The following YWHAH variants were observed in gnomAD, a reference collection of about 807,000 sequenced individuals.
YWHAH encodes tyrosine 3-monooxygenase/tryptophan 5-monooxygenase activation protein eta.
A neutral mutation model predicts 22.9 loss-of-function variants in YWHAH; 6 were observed. The ratio of observed to expected loss-of-function variants is 0.26; its 90% confidence interval spans 0.14 to 0.52. The LOEUF (loss-of-function observed/expected upper bound fraction) is 0.52, where lower values mean the gene tolerates loss of function less well. Among genes scored for constraint, YWHAH ranks in the 20% least tolerant of loss-of-function variants. The probability of loss-of-function intolerance (pLI) is 0.97; values close to 1 mark genes in which losing one functional copy is unlikely to be tolerated. For missense variants in YWHAH, 173 were observed against 308.6 expected, an observed-to-expected ratio of 0.56 and a Z score of 3.29; for synonymous variants, 135 against 124.5, an observed-to-expected ratio of 1.08 and a Z score of -0.56.
In YWHAH at chr22:31,956,467, C is replaced by G. The variant is rs150273100; in HGVS notation, c.416C>G (p.Ser139Cys). The change falls in exon 2 of 2, where the codon TCT becomes TGT. Residue 139 changes from serine (S) to cysteine (C), a missense_variant. Ser to Cys is a moderately radical substitution (Grantham distance 112, BLOSUM62 -1). Coordinates refer to ENST00000248975, the MANE Select transcript of YWHAH (RefSeq NM_003405.4). This position sits in a 1 kb window ranked among gnomAD's most constrained non-coding sequence, Gnocchi z 5.1. Reference protein sequence around the residue: ...DYYRYLAEVASGEKKNSVVEA... With the variant: ...DYYRYLAEVACGEKKNSVVEA... Reference sequence around the variant, plus strand: ...TACCGCTACTTAGCAGAGGTCGCTTCTGGGGAGAAGAAAAACAGTGTGGTC... The same window carrying G: ...TACCGCTACTTAGCAGAGGTCGCTTGTGGGGAGAAGAAAAACAGTGTGGTC... 1 of 1,614,166 alleles carries G rather than the reference C, an allele frequency of 6.2e-7. No individual in the cohort carries two copies. Among genetic ancestry groups the G allele is most frequent in the Non-Finnish European group, 8.5e-7 (1 of 1,180,042 alleles).
In YWHAH at chr22:31,945,392, C is replaced by T. The variant is rs147493075; in HGVS notation, c.87+572C>T. 11,184 of 1,297,462 alleles carry T rather than the reference C, an allele frequency of 8.6e-3. 64 individuals carry two copies. Among genetic ancestry groups the T allele is most frequent in the Middle Eastern group, 0.011 (49 of 4,586 alleles). 80.4% of individuals were successfully genotyped at this position (1,297,462 alleles called of 1,614,324 possible). A position where few individuals can be genotyped will look rare whatever the true frequency, so the allele number is the denominator to read the frequency against. On this transcript the variant is annotated intron_variant, in intron 1 of 1. Transcript: ENST00000248975. ...GAAGACCCCTTTCCTGCAGTCTAGG[C>T]GTGGACGGGGGCGGGAGAGTGGGCG...
chr22:31,946,367 G>GA (rs1358033337), intron 1 of YWHAH, among the ~76,000 whole-genome samples: 1 of 152,168 alleles, frequency 6.6e-6, no homozygotes, highest in Non-Finnish European at 1.5e-5. Context: ...CCTTGGAAGG[G>GA]ACCCTGAACC....
At chr22:31,944,894 C>CT (rs2093831151) in intron 1 of YWHAH, 74 bp downstream of exon 1, 1 of 1,194,110 alleles carries the variant, frequency 8.4e-7, no homozygotes, top group Non-Finnish European at 1.0e-6. Context: ...TGGCCGCGGG[C>CT]GCGTTCCCCT....
At position 31,956,172 on chromosome 22, in the gene YWHAH, G is replaced by T. The variant is rs2093849349; in HGVS notation, c.121G>T (p.Asp41Tyr). 6.2e-7 allele frequency: 1 copy of T among 1,613,450 alleles called. No homozygotes were observed. Residue 41 changes from aspartate to tyrosine, a missense_variant, in exon 2 of 2, where the codon GAT becomes TAT. Physicochemically the swap from Asp to Tyr is radical, Grantham distance 160. Transcript: ENST00000248975. This position sits in a 1 kb window ranked among gnomAD's most constrained non-coding sequence, Gnocchi z 5.1. ...GCTGAATGAACCTCTCTCCAATGAA[G>T]ATCGAAATCTCCTCTCTGTGGCCTA... is the stretch of plus-strand genomic sequence containing the variant. ...TELNEPLSNE[D>Y]RNLLSVAYKN... is the part of the protein sequence containing the mutation.
intron 1 of YWHAH, among the ~76,000 whole-genome samples, chr22:31,955,164 TC>T (rs1408086852): frequency 6.6e-6 from 1 of 152,224 alleles, no homozygotes; most frequent in African/African-American, 2.4e-5. Context: ...GGGGGTACTT[TC>T]ATGTCACTTA....
chr22:31,948,143 G>C (rs1473975294), intron 1 of YWHAH, among the ~76,000 whole-genome samples: 2 of 152,154 alleles, frequency 1.3e-5, no homozygotes, highest in Non-Finnish European at 2.9e-5. Context: ...CAGGGCAACC[G>C]GCCTGAGCCA....
At chr22:31,952,242 A>G (rs1394189670) in intron 1 of YWHAH, among the ~76,000 whole-genome samples, 3 of 152,228 alleles carry the variant, frequency 2.0e-5, no homozygotes, top group East Asian at 3.8e-4. Flanking sequence ...GAGAGCATCC[A>G]TTACTCTGTG....
chr22:31,951,236 C>T (rs1447883235), intron 1 of YWHAH, among the ~76,000 whole-genome samples: 1 of 152,154 alleles, frequency 6.6e-6, no homozygotes, highest in Non-Finnish European at 1.5e-5. Context: ...GACACACACA[C>T]ATACACGTAC....
chr22:31,945,420 G>T (rs1362557671), intron 1 of YWHAH: 4 of 1,302,250 alleles, frequency 3.1e-6, no homozygotes, highest in Non-Finnish European at 4.0e-6. Context: ...AGTGGGCGGA[G>T]GGTGTGGGGC....
chr22:31,948,259 G>T (rs1291524432), intron 1 of YWHAH, among the ~76,000 whole-genome samples: 1 of 152,208 alleles, frequency 6.6e-6, no homozygotes, highest in Admixed American at 6.5e-5. Flanking sequence ...AAAGGCTGTT[G>T]TTGCAACAAC....
chr22:31,945,109 C>T lies in YWHAH; in HGVS notation c.87+289C>T, dbSNP rs542377263. On this transcript the variant is annotated intron_variant, in intron 1 of 1. Coordinates refer to ENST00000248975, the MANE Select transcript of YWHAH (RefSeq NM_003405.4). ...GGTCGCCACATCTTAGTTCGGAACC[C>T]GGCCGGGGGCAGAGGGTGCCCTAGG... 4,296 of 1,075,096 alleles carry T rather than the reference C, an allele frequency of 4.0e-3. 14 individuals are homozygous for T. Among genetic ancestry groups the T allele is most frequent in the Non-Finnish European group, 4.5e-3 (3,960 of 887,114 alleles). 66.6% of individuals were successfully genotyped at this position (1,075,096 alleles called of 1,614,324 possible).
At chr22:31,953,506 G>A (rs1252598556) in intron 1 of YWHAH, among the ~76,000 whole-genome samples, 1 of 152,072 alleles carries the variant, frequency 6.6e-6, no homozygotes, top group Non-Finnish European at 1.5e-5. Flanking sequence ...ACCCTCTGAT[G>A]TGGGCAAAAA....
chr22:31,949,129 T>C (rs1424164436), intron 1 of YWHAH, among the ~76,000 whole-genome samples: 2 of 146,796 alleles, frequency 1.4e-5, no homozygotes, highest in African/African-American at 5.2e-5. Context: ...TTATATAACA[T>C]ATTTTACTTT....
At chr22:31,951,404 G>A (rs558676475) in intron 1 of YWHAH, among the ~76,000 whole-genome samples, 7 of 152,228 alleles carry the variant, frequency 4.6e-5, no homozygotes, top group Non-Finnish European at 8.8e-5. Context: ...GAGCTGTGAA[G>A]GATGGCAGCA....
intron 1 of YWHAH, among the ~76,000 whole-genome samples, chr22:31,954,482 A>T (rs895774047): frequency 2.0e-5 from 3 of 152,174 alleles, no homozygotes; most frequent in Non-Finnish European, 2.9e-5. Flanking sequence ...AACTCTTGTT[A>T]GGAAACTCTG....
Position 31,956,737 on chromosome 22 carries a change from A to G in YWHAH, c.686A>G (p.Asn229Ser). 1 of 1,612,954 alleles carries G rather than the reference A, an allele frequency of 6.2e-7. No individual in the cohort carries two copies. Among genetic ancestry groups the G allele is most frequent in the Non-Finnish European group, 8.5e-7 (1 of 1,179,468 alleles). ...STLIMQLLRD[N>S]LTLWTSDQQD... Reference sequence around the variant, plus strand: ...CTGATCATGCAGTTGCTGCGAGACAACCTCACCCTCTGGACGAGCGACCAG... The same window carrying G: ...CTGATCATGCAGTTGCTGCGAGACAGCCTCACCCTCTGGACGAGCGACCAG... The change falls in exon 2 of 2, where the codon AAC becomes AGC. Residue 229 changes from asparagine (N) to serine (S), a missense_variant. By Grantham distance (46) the Asn-to-Ser change is conservative. Transcript: ENST00000248975. The surrounding 1 kb of genome is among the most constrained non-coding windows in gnomAD (Gnocchi z 5.1).
intron 1 of YWHAH, among the ~76,000 whole-genome samples, chr22:31,953,022 G>T (rs558923676): frequency 1.4e-4 from 21 of 152,260 alleles, no homozygotes; most frequent in Admixed American, 1.4e-3. Flanking sequence ...TAATTATACC[G>T]CCTTTTGTGT....
chr22:31,953,619 G>A (rs1227300675), intron 1 of YWHAH, among the ~76,000 whole-genome samples: 1 of 152,192 alleles, frequency 6.6e-6, no homozygotes, highest in East Asian at 1.9e-4. Context: ...TGGGGTTATA[G>A]GTGTTCAGCT....
chr22:31,950,528 T>G (rs1603052303), intron 1 of YWHAH: 4 of 615,734 alleles, frequency 6.5e-6, no homozygotes, highest in African/African-American at 1.8e-5. Flanking sequence ...TCAGATGGTG[T>G]TGTATTTAAT....
Sources: gnomAD v4.1 joint callset for allele counts (sites outside exome capture counted in the v4.1 genomes callset) on GRCh38, gnomAD v4.1.1 for gene constraint, Gnocchi (gnomAD v3.1) non-coding constraint, MANE v1.5 for transcripts, NCBI Gene and HGNC (gene_info 2026-07-23, HGNC 2026-07-21) for gene names.